The following KAT2B variants were observed in gnomAD, a reference collection of about 807,000 sequenced individuals.
KAT2B encodes histone acetyltransferase KAT2B.
In KAT2B, 36 loss-of-function variants were observed where a neutral mutation model predicts 105.9. That is an observed-to-expected ratio of 0.34 (90% CI 0.26 to 0.45). The LOEUF (loss-of-function observed/expected upper bound fraction) is 0.45. KAT2B is among the 20% of genes least tolerant of loss of function. KAT2B has a pLI of 1.00. For synonymous variants in KAT2B, 397 were observed against 377.9 expected (o/e 1.05, Z -0.59); for missense variants, 820 against 1,021.6 (o/e 0.80, Z 2.69).
In KAT2B at chr3:20,111,758, A is replaced by G. The variant is rs1282714436; in HGVS notation, c.1014A>G (p.Lys338=). ...AAAAAGATAAACTGCCTCTTGAAAA[A>G]CGAACTCTAATCCTCACTCATTTCC... ...RQEKDKLPLE[K]RTLILTHFPK... is the part of the protein sequence containing the mutation. Residue 338 remains lysine, a synonymous_variant, in exon 6 of 18, where the codon AAA becomes AAG. Coordinates refer to ENST00000263754, the MANE Select transcript of KAT2B (RefSeq NM_003884.5). The G allele has an allele frequency of 1.2e-6, 2 of 1,613,866 alleles. No individual in the cohort carries two copies. Among genetic ancestry groups the G allele is most frequent in the Non-Finnish European group, 8.5e-7 (1 of 1,179,896 alleles).
At chr3:20,106,579 G>A (rs1172353046) in intron 5 of KAT2B, among the ~76,000 whole-genome samples, 2 of 152,032 alleles carry the variant, frequency 1.3e-5, no homozygotes, top group Non-Finnish European at 2.9e-5. Context: ...AAGCTGAAAA[G>A]TATAAATTGA....
At chr3:20,117,640 A>G (rs1699229699) in intron 7 of KAT2B, among the ~76,000 whole-genome samples, 1 of 152,126 alleles carries the variant, frequency 6.6e-6, no homozygotes, top group Non-Finnish European at 1.5e-5. Flanking sequence ...TGCTTGGTTT[A>G]CTTATTTTAT....
intron 2 of KAT2B, among the ~76,000 whole-genome samples, chr3:20,094,312 T>C (rs748767163): frequency 3.3e-5 from 5 of 151,952 alleles, no homozygotes; most frequent in Non-Finnish European, 7.4e-5. Flanking sequence ...ACATCAGATC[T>C]CATGAGAACT....
At chr3:20,076,911 A>G (rs1373643629) in intron 2 of KAT2B, among the ~76,000 whole-genome samples, 1 of 152,226 alleles carries the variant, frequency 6.6e-6, no homozygotes, top group Non-Finnish European at 1.5e-5. Flanking sequence ...TACACACGAA[A>G]TGAAATATTC....
At chr3:20,086,690 C>T (rs1698622155) in intron 2 of KAT2B, among the ~76,000 whole-genome samples, 1 of 152,186 alleles carries the variant, frequency 6.6e-6, no homozygotes, top group Admixed American at 6.5e-5. Context: ...CTTTCAATTA[C>T]TTTTCTGTAT....
chr3:20,100,203 A>T lies in KAT2B; in HGVS notation c.669+249A>T, dbSNP rs372931610. 3.4e-4 allele frequency among the ~76,000 whole-genome samples: 52 copies of T among 152,312 alleles called. No individual in the cohort carries two copies. In the South Asian group the frequency reaches 9.9e-3, roughly 29 times the overall value. On this transcript the variant is annotated intron_variant, in intron 4 of 17. Coordinates refer to ENST00000263754, the MANE Select transcript of KAT2B (RefSeq NM_003884.5). ...TGTGTGTTTGGGGAAGAAAAACATT[A>T]AGTAGAACATGTAGTTTGTAAGAAG...
At position 20,040,885 on chromosome 3, in the gene KAT2B, C is replaced by T; in HGVS notation, c.303+105C>T. The T allele has an allele frequency of 6.8e-6, 9 of 1,321,776 alleles. No homozygotes were observed. In the South Asian group the frequency reaches 1.3e-4, roughly 18 times the overall value. 81.9% of individuals were successfully genotyped at this position (1,321,776 alleles called of 1,614,324 possible). A position where few individuals can be genotyped will look rare whatever the true frequency, so the allele number is the denominator to read the frequency against. On this transcript the variant is annotated intron_variant, in intron 1 of 17. Transcript: ENST00000263754. ...CCTCCGCCTCCCGCCTCCTGCCTCT[C>T]GCCTCCCGCCTGGGGCCGCTGCACC...
chr3:20,090,066 T>G (rs1698690255), intron 2 of KAT2B, among the ~76,000 whole-genome samples: 1 of 152,130 alleles, frequency 6.6e-6, no homozygotes, highest in East Asian at 1.9e-4. Flanking sequence ...ATCCTGCAAC[T>G]TTACTGAGTT....
chr3:20,135,069 G>A (rs1348920907), intron 11 of KAT2B, among the ~76,000 whole-genome samples: 2 of 152,126 alleles, frequency 1.3e-5, no homozygotes, highest in African/African-American at 4.8e-5. Flanking sequence ...CTATACACAT[G>A]TGTTTATATG....
chr3:20,065,714 T>C (rs1452543412), intron 1 of KAT2B, among the ~76,000 whole-genome samples: 1 of 152,022 alleles, frequency 6.6e-6, no homozygotes. Flanking sequence ...CTGCAAAAAA[T>C]ACTGAAACAA....
At chr3:20,044,918 G>T (rs540719146) in intron 1 of KAT2B, among the ~76,000 whole-genome samples, 1 of 152,252 alleles carries the variant, frequency 6.6e-6, no homozygotes, top group Non-Finnish European at 1.5e-5. Flanking sequence ...GTTAGCAGTT[G>T]TGGAATTTTA....
chr3:20,075,611 C>T (rs1292603385), intron 2 of KAT2B, among the ~76,000 whole-genome samples: 2 of 152,166 alleles, frequency 1.3e-5, no homozygotes, highest in Non-Finnish European at 2.9e-5. Context: ...GCTAGGATGG[C>T]TTACAGAACT....
At chr3:20,054,426 G>A (rs183565814) in intron 1 of KAT2B, among the ~76,000 whole-genome samples, 26 of 152,244 alleles carry the variant, frequency 1.7e-4, no homozygotes, top group African/African-American at 6.3e-4. Context: ...GGAGATGGAT[G>A]CATTTATTTT....
At chr3:20,145,978 G>A (rs1699778284) in intron 13 of KAT2B, among the ~76,000 whole-genome samples, 1 of 152,136 alleles carries the variant, frequency 6.6e-6, no homozygotes. Context: ...CTGCTTTCCT[G>A]TAATTCTGGC....
At chr3:20,142,414 G>T (rs932554069) in intron 13 of KAT2B, among the ~76,000 whole-genome samples, 2 of 152,120 alleles carry the variant, frequency 1.3e-5, no homozygotes, top group African/African-American at 4.8e-5. Context: ...ACAGAATTCA[G>T]TTGATTTTTT....
intron 11 of KAT2B, among the ~76,000 whole-genome samples, chr3:20,130,182 C>T (rs1699484212): frequency 6.6e-6 from 1 of 152,192 alleles, no homozygotes; most frequent in African/African-American, 2.4e-5. Context: ...TTTATTCTCA[C>T]AAAGCACAAG....
At chr3:20,079,202 CTTTTTT>C (rs61697250) in intron 2 of KAT2B, among the ~76,000 whole-genome samples, 1 of 102,180 alleles carries the variant, frequency 9.8e-6, no homozygotes, top group Non-Finnish European at 1.8e-5. Flanking sequence ...CACCTGGCCT[CTTTTTT>C]TTTTTTTTTT....
At chr3:20,088,780 C>T (rs1575126069) in intron 2 of KAT2B, among the ~76,000 whole-genome samples, 1 of 152,078 alleles carries the variant, frequency 6.6e-6, no homozygotes, top group African/African-American at 2.4e-5. Context: ...TGTTTTGTTG[C>T]CTGTGCTTTT....
Position 20,152,613 on chromosome 3 carries a change from T to A in KAT2B, c.*88T>A. 3.9e-6 allele frequency: 4 copies of A among 1,025,868 alleles called. No individual in the cohort carries two copies. Among genetic ancestry groups the A allele is most frequent in the East Asian group, 4.9e-5 (2 of 41,222 alleles). 63.5% of individuals were successfully genotyped at this position (1,025,868 alleles called of 1,614,324 possible). A position where few individuals can be genotyped will look rare whatever the true frequency, so the allele number is the denominator to read the frequency against. ...GTTTTTTACAAAGAATTGGACATGA[T>A]GTATTGAAGAGACTTGTAAATGTAA... On this transcript the variant is annotated 3_prime_UTR_variant, in exon 18 of 18. Coordinates refer to ENST00000263754, the MANE Select transcript of KAT2B (RefSeq NM_003884.5).
Sources: allele counts gnomAD v4.1 joint callset (sites outside exome capture counted in the v4.1 genomes callset), GRCh38; gene constraint gnomAD v4.1.1; transcripts MANE v1.5; gene names NCBI Gene and HGNC (gene_info 2026-07-23, HGNC 2026-07-21).